Variants in ESR1 observed in about 807,000 individuals in gnomAD.
ESR1 encodes estrogen receptor 1.
Under a neutral mutation model 52.7 loss-of-function variants are expected in ESR1, and 12 were observed. That is an observed-to-expected ratio of 0.23 (90% CI 0.15 to 0.37). The LOEUF (loss-of-function observed/expected upper bound fraction) is 0.37. ESR1 is among the 10% of genes least tolerant of loss of function. The pLI, the probability that ESR1 is intolerant of heterozygous loss-of-function variation, is 1.00. For synonymous variants in ESR1, 305 were observed against 316.8 expected (o/e 0.96, Z 0.39); for missense variants, 584 against 779.7 (o/e 0.75, Z 2.99).
chr6:151,824,991 G>C (rs764326324), intron 1 of ESR1, among the ~76,000 whole-genome samples: 3 of 152,102 alleles, frequency 2.0e-5, no homozygotes, highest in Non-Finnish European at 4.4e-5. Flanking sequence ...GAATGAGTAA[G>C]ATCATGAGTA....
chr6:151,933,699 T>G (rs1295445834), intron 3 of ESR1, among the ~76,000 whole-genome samples: 5 of 152,220 alleles, frequency 3.3e-5, no homozygotes, highest in African/African-American at 7.2e-5. Context: ...TTTTTCTGCA[T>G]CTATTGAGAT....
At chr6:151,788,041 T>C (rs940258339) in intron 2 of ESR1, among the ~76,000 whole-genome samples, 1 of 152,080 alleles carries the variant, frequency 6.6e-6, no homozygotes, top group South Asian at 2.1e-4. Context: ...ATCTTAGACA[T>C]AGGAATGGGC....
At chr6:151,731,456 G>A (rs1271683836) in intron 2 of ESR1, among the ~76,000 whole-genome samples, 2 of 152,118 alleles carry the variant, frequency 1.3e-5, no homozygotes, top group Non-Finnish European at 2.9e-5. Flanking sequence ...GGCACCTAGA[G>A]CAATGTGGAC....
chr6:151,936,171 G>A (rs1173876703), intron 3 of ESR1: 2 of 152,224 alleles, frequency 1.3e-5, no homozygotes, highest in African/African-American at 4.8e-5. Context: ...CTGTATCAGA[G>A]AGCATCATTA....
At chr6:152,057,919 G>A (rs578142021) in intron 5 of ESR1, among the ~76,000 whole-genome samples, 17 of 152,202 alleles carry the variant, frequency 1.1e-4, no homozygotes, top group Middle Eastern at 3.4e-3. Flanking sequence ...CGAGCTCTTC[G>A]TGGGAAACTA....
upstream of ESR1, among the ~76,000 whole-genome samples, chr6:151,804,180 A>C (rs34392831): frequency 8.6e-3 from 1,304 of 152,328 alleles, 5 homozygotes; most frequent in Non-Finnish European, 0.013. Flanking sequence ...GCCCAGGGAC[A>C]AGGCTCACCA....
At chr6:151,995,371 A>G (rs1344993174) in intron 4 of ESR1, among the ~76,000 whole-genome samples, 1 of 152,020 alleles carries the variant, frequency 6.6e-6, no homozygotes, top group African/African-American at 2.4e-5. Context: ...CTATTCATCC[A>G]TCCGTCCTTC....
chr6:152,080,217 G>A (rs55690604), intron 6 of ESR1, among the ~76,000 whole-genome samples: 495 of 152,042 alleles, frequency 3.3e-3, no homozygotes, highest in African/African-American at 0.011. Flanking sequence ...TGAAATGAAG[G>A]AAAAAATGTT....
At chr6:151,767,382 A>G (rs1264564257) in intron 2 of ESR1, among the ~76,000 whole-genome samples, 4 of 152,172 alleles carry the variant, frequency 2.6e-5, no homozygotes, top group Non-Finnish European at 1.5e-5. Flanking sequence ...TGTCCTCAAA[A>G]TGCAGTGACT....
At chr6:151,727,755 G>T (rs1781950674) in intron 2 of ESR1, among the ~76,000 whole-genome samples, 1 of 152,116 alleles carries the variant, frequency 6.6e-6, no homozygotes. Context: ...CCCTCTTGCT[G>T]TTCTCGTGAT....
chr6:151,969,950 C>T (rs1469158309), intron 4 of ESR1, among the ~76,000 whole-genome samples: 3 of 151,908 alleles, frequency 2.0e-5, no homozygotes, highest in Admixed American at 1.3e-4. Context: ...TTATTCATTG[C>T]CTCCCTATGT....
intron 1 of ESR1, among the ~76,000 whole-genome samples, chr6:151,842,162 G>GT (rs1243978509): frequency 6.6e-6 from 1 of 152,180 alleles, no homozygotes; most frequent in Non-Finnish European, 1.5e-5. Flanking sequence ...CATGTTCTGT[G>GT]TTGTCCATCA....
intron 6 of ESR1, among the ~76,000 whole-genome samples, chr6:152,078,647 G>T (rs1329672844): frequency 6.6e-6 from 1 of 152,176 alleles, no homozygotes; most frequent in Non-Finnish European, 1.5e-5. Flanking sequence ...CCCACGGAGG[G>T]TGAGCCGAAC....
chr6:151,683,217 G>A (rs771330033), intron 1 of ESR1, among the ~76,000 whole-genome samples: 1 of 152,074 alleles, frequency 6.6e-6, no homozygotes, highest in Non-Finnish European at 1.5e-5. Flanking sequence ...ATTGGGACTT[G>A]GGGACATGTC....
chr6:151,992,521 A>G (rs750353044), intron 4 of ESR1, among the ~76,000 whole-genome samples: 4 of 152,202 alleles, frequency 2.6e-5, no homozygotes, highest in Non-Finnish European at 5.9e-5. Context: ...TACATAGAAG[A>G]CAATGAATGT....
intron 3 of ESR1, among the ~76,000 whole-genome samples, chr6:151,902,643 C>T (rs1025691570): frequency 2.6e-5 from 4 of 152,184 alleles, no homozygotes; most frequent in South Asian, 2.1e-4. Context: ...GAACAAGATA[C>T]GTAACCTCTT....
chr6:151,690,931 G>A (rs899424533), intron 1 of ESR1, among the ~76,000 whole-genome samples: 5 of 152,168 alleles, frequency 3.3e-5, no homozygotes, highest in African/African-American at 7.2e-5. Flanking sequence ...CCTTTTCTTA[G>A]TACAGCACAC....
chr6:151,775,256 GT>G lies in ESR1; in HGVS notation c.-70-32583del, dbSNP rs370435839. Among the ~76,000 whole-genome samples, 437 of 152,318 alleles carry G rather than the reference GT, an allele frequency of 2.9e-3. 1 individual carries two copies. Among genetic ancestry groups the G allele is most frequent in the African/African-American group, 0.01 (419 of 41,578 alleles). ...TATCCAAAATGCTTGCGACCAGATT[GT>G]TTTGGCTTTGGGATTATTTCAGATT... On this transcript the variant is annotated intron_variant, in intron 2 of 2. Coordinates refer to the ESR1 transcript ENST00000404742.
rs1038136581 is a variant in ESR1, at chr6:152,099,597, G to C, written c.*631G>C. 1 of 242,588 alleles carries C rather than the reference G, an allele frequency of 4.1e-6. No homozygotes were observed. The highest frequency in any genetic ancestry group is 2.2e-5 in the African/African-American group (1 of 45,606). The allele number at this position is 242,588 out of a possible 1,614,324, so 15.0% of individuals were successfully genotyped here. ...CACAGGGAAGGCAGATCCCCTAGTT[G>C]GCAAGACTATTTTAACTTGATACAC... is the stretch of plus-strand genomic sequence containing the variant. On this transcript the variant is annotated 3_prime_UTR_variant, in exon 8 of 8. Coordinates refer to ENST00000206249, the MANE Select transcript of ESR1 (RefSeq NM_000125.4).
Sources: gnomAD v4.1 joint callset for allele counts (sites outside exome capture counted in the v4.1 genomes callset) on GRCh38, gnomAD v4.1.1 for gene constraint, MANE v1.5 for transcripts, NCBI Gene and HGNC (gene_info 2026-07-23, HGNC 2026-07-21) for gene names.